CSMD3: variants seen among roughly 807,000 people sequenced by gnomAD.
CSMD3 encodes CUB and Sushi multiple domains 3, also known as CUB and sushi domain-containing protein 3.
Under a neutral mutation model 435.2 loss-of-function variants are expected in CSMD3, and 177 were observed. The ratio of observed to expected loss-of-function variants is 0.41; its 90% CI spans 0.36 to 0.46. The LOEUF is 0.46. CSMD3 is among the 20% of genes least tolerant of loss of function. The pLI is 0.34. For missense variants in CSMD3, 4,265 were observed against 4,504.6 expected, an observed-to-expected ratio of 0.95 and a Z score of 1.52; for synonymous variants, 1,656 against 1,520.5, an observed-to-expected ratio of 1.09 and a Z score of -2.07.
chr8:112,854,792 C>A lies in CSMD3; in HGVS notation c.1755+4353G>T, dbSNP rs551223331. Among the ~76,000 whole-genome samples the A allele has an allele frequency of 2.6e-5, 4 of 152,214 alleles. No individual in the cohort carries two copies. The East Asian group carries it at 7.7e-4, about 29-fold the overall frequency. On this transcript the variant is annotated intron_variant, in intron 11 of 70. Coordinates refer to ENST00000297405, the MANE Select transcript of CSMD3 (RefSeq NM_198123.2). ...ATTTCTGCCATTCCATTTTTCCTTT[C>A]CCTGAAGTCCTAGCAAAAACTTCAC...
rs369090732 is a variant in CSMD3, at chr8:112,672,712, TA to T, written c.2678-6298del. On this transcript the variant is annotated intron_variant, in intron 16 of 70. Transcript: ENST00000297405. ...GCAATGAAAACAACAATGAGATATG[TA>T]AATTCAATATAGTTCATTTATCTAG... Among the ~76,000 whole-genome samples, 343 of 152,256 alleles carry T rather than the reference TA, an allele frequency of 2.3e-3. 1 individual carries two copies. Among genetic ancestry groups the T allele is most frequent in the African/African-American group, 8.0e-3 (331 of 41,562 alleles).
At chr8:113,360,794 C>T (rs1324600436) in intron 1 of CSMD3, among the ~76,000 whole-genome samples, 1 of 151,718 alleles carries the variant, frequency 6.6e-6, no homozygotes, top group Non-Finnish European at 1.5e-5. Context: ...AGGATGGTCT[C>T]GATCTCCTGA....
chr8:112,841,267 AC>A (rs1350467092), intron 11 of CSMD3, among the ~76,000 whole-genome samples: 3 of 151,544 alleles, frequency 2.0e-5, no homozygotes, highest in Admixed American at 6.6e-5. Context: ...TCTCCTCTTT[AC>A]CCACTATGCC....
chr8:112,526,763 G>A (rs1825012695), intron 27 of CSMD3, among the ~76,000 whole-genome samples: 1 of 151,686 alleles, frequency 6.6e-6, no homozygotes, highest in African/African-American at 2.4e-5. Context: ...TTTTTTAAAA[G>A]GGTTGTGATG....
intron 19 of CSMD3, among the ~76,000 whole-genome samples, chr8:112,647,656 T>C (rs376995639): frequency 1.4e-3 from 217 of 152,220 alleles, no homozygotes; most frequent in African/African-American, 5.1e-3. Flanking sequence ...AGTATCCTTG[T>C]CTATGTTCTT....
chr8:112,412,940 T>C (rs1811509483), intron 32 of CSMD3, among the ~76,000 whole-genome samples: 2 of 152,142 alleles, frequency 1.3e-5, no homozygotes, highest in South Asian at 4.1e-4. Flanking sequence ...AAACCAACAA[T>C]AGGGAACTTT....
intron 31 of CSMD3, among the ~76,000 whole-genome samples, chr8:112,485,476 G>A (rs1028323054): frequency 1.3e-5 from 2 of 152,016 alleles, no homozygotes; most frequent in East Asian, 3.9e-4. Flanking sequence ...ATCTCTATAT[G>A]CATTGATAAT....
At chr8:112,765,518 C>T (rs1191910047) in intron 13 of CSMD3, among the ~76,000 whole-genome samples, 5 of 151,604 alleles carry the variant, frequency 3.3e-5, no homozygotes, top group Admixed American at 6.6e-5. Context: ...TATAATCCAG[C>T]GTGCAGGAGG....
intron 35 of CSMD3, among the ~76,000 whole-genome samples, chr8:112,397,693 C>T (rs1466314508): frequency 6.6e-6 from 1 of 152,088 alleles, no homozygotes; most frequent in Non-Finnish European, 1.5e-5. Context: ...AGCATTAATC[C>T]CATTCATGAG....
intron 10 of CSMD3, among the ~76,000 whole-genome samples, chr8:112,907,193 A>T (rs555982645): frequency 6.6e-6 from 1 of 151,610 alleles, no homozygotes; most frequent in South Asian, 2.1e-4. Flanking sequence ...ACAGAAAAGA[A>T]TAGTCCCTAT....
chr8:112,349,012 A>G (rs1825910919), intron 40 of CSMD3, among the ~76,000 whole-genome samples: 1 of 152,060 alleles, frequency 6.6e-6, no homozygotes, highest in African/African-American at 2.4e-5. Context: ...ATTTGATAAT[A>G]TTTATGAAAG....
intron 2 of CSMD3, among the ~76,000 whole-genome samples, chr8:113,298,002 T>A (rs2093735039): frequency 6.6e-6 from 1 of 152,118 alleles, no homozygotes; most frequent in Admixed American, 6.5e-5. Flanking sequence ...GCTGGATATA[T>A]TTAATCAACA....
intron 3 of CSMD3, among the ~76,000 whole-genome samples, chr8:113,187,541 T>C (rs904475260): frequency 2.0e-5 from 3 of 151,894 alleles, no homozygotes; most frequent in African/African-American, 7.3e-5. Flanking sequence ...ACAGGCAGAG[T>C]CTTCAGGAAA....
chr8:113,244,842 T>G (rs562408414), intron 3 of CSMD3, among the ~76,000 whole-genome samples: 2 of 152,178 alleles, frequency 1.3e-5, no homozygotes, highest in African/African-American at 4.8e-5. Context: ...AAGTCTTCTA[T>G]TTTCTCATTC....
intron 8 of CSMD3, among the ~76,000 whole-genome samples, chr8:112,950,005 T>G (rs2083750987): frequency 6.6e-6 from 1 of 152,054 alleles, no homozygotes; most frequent in African/African-American, 2.4e-5. Flanking sequence ...GTTATTCTAA[T>G]TTATCTTTTT....
At chr8:112,474,614 C>T (rs899360222) in intron 31 of CSMD3, among the ~76,000 whole-genome samples, 1 of 152,100 alleles carries the variant, frequency 6.6e-6, no homozygotes, top group African/African-American at 2.4e-5. Context: ...AGGTTTTATA[C>T]TGGGAATTTA....
chr8:112,651,048 C>T (rs544861176), intron 18 of CSMD3, among the ~76,000 whole-genome samples: 5 of 152,248 alleles, frequency 3.3e-5, no homozygotes, highest in South Asian at 4.2e-4. Context: ...CCCACCTGTT[C>T]GATGCCAGTA....
intron 11 of CSMD3, among the ~76,000 whole-genome samples, chr8:112,833,211 T>C (rs1346760373): frequency 6.6e-6 from 1 of 152,088 alleles, no homozygotes; most frequent in Non-Finnish European, 1.5e-5. Context: ...GGCTTTCTAA[T>C]GGAATTGCAG....
At chr8:112,627,108 T>C (rs4389971) in intron 22 of CSMD3, among the ~76,000 whole-genome samples, 91,627 of 151,946 alleles carry the variant, frequency 0.6, 28,773 homozygotes, top group African/African-American at 0.78. Context: ...TAAGTAAAGA[T>C]ATATTAAGCT....
Sources: allele counts gnomAD v4.1 joint callset (sites outside exome capture counted in the v4.1 genomes callset), GRCh38; gene constraint gnomAD v4.1.1; transcripts MANE v1.5; gene names NCBI Gene and HGNC (gene_info 2026-07-23, HGNC 2026-07-21).